The following QTGAL variants were observed in gnomAD, a reference collection of about 807,000 sequenced individuals.
QTGAL encodes the protein queuosine-tRNA galactosyltransferase, also known as BGnT-like protein 1.
the QTGAL span, among the ~76,000 whole-genome samples, chr17:82,997,461 T>C: frequency 1.3e-5 from 2 of 152,154 alleles, no homozygotes; most frequent in Admixed American, 1.3e-4. Context: ...ACAACCACTA[T>C]GGAGAACAGT....
At chr17:82,977,955 C>T in the QTGAL span, among the ~76,000 whole-genome samples, 1 of 152,152 alleles carries the variant, frequency 6.6e-6, no homozygotes, top group Admixed American at 6.5e-5. Context: ...TTTTCCGTTT[C>T]CCAAGCTCCT....
chr17:82,963,354 G>A, the QTGAL span, among the ~76,000 whole-genome samples: 1 of 152,208 alleles, frequency 6.6e-6, no homozygotes, highest in Non-Finnish European at 1.5e-5. Context: ...ACCTCCAGGA[G>A]GAAGCAGCAG....
At chr17:83,043,391 A>T in the QTGAL span, among the ~76,000 whole-genome samples, 11 of 152,238 alleles carry the variant, frequency 7.2e-5, no homozygotes, top group Admixed American at 7.2e-4. Context: ...TCATAAATAA[A>T]TGAAAGCTAA....
At chr17:83,015,644 C>T in the QTGAL span, among the ~76,000 whole-genome samples, 250 of 152,340 alleles carry the variant, frequency 1.6e-3, 3 homozygotes, top group East Asian at 0.016. The surrounding 1 kb of genome is among the most constrained non-coding windows in gnomAD (Gnocchi z 4.4). Flanking sequence ...GGGCTGGTGC[C>T]GCGCCATGGA....
At chr17:83,033,315 C>G in the QTGAL span, among the ~76,000 whole-genome samples, 1 of 152,094 alleles carries the variant, frequency 6.6e-6, no homozygotes, top group African/African-American at 2.4e-5. Flanking sequence ...TTTTCCATCA[C>G]AGTCAACAAC....
chr17:83,051,713 G>T, the QTGAL span: 1 of 1,476,172 alleles, frequency 6.8e-7, no homozygotes, highest in Non-Finnish European at 8.9e-7. Context: ...TGCACGGCGG[G>T]GCACCCTCCC....
At chr17:83,024,884 C>T in the QTGAL span, among the ~76,000 whole-genome samples, 3 of 152,238 alleles carry the variant, frequency 2.0e-5, no homozygotes, top group East Asian at 1.9e-4. Flanking sequence ...CCAGACACAT[C>T]GGCCGGCACA....
chr17:82,951,632 C>T, the QTGAL span, among the ~76,000 whole-genome samples: 6 of 152,194 alleles, frequency 3.9e-5, no homozygotes, highest in African/African-American at 7.2e-5. Flanking sequence ...TCCTGCCAGT[C>T]GTGGCTTTCG....
chr17:82,981,215 G>C, the QTGAL span: 2 of 152,214 alleles, frequency 1.3e-5, no homozygotes, highest in Non-Finnish European at 2.9e-5. Flanking sequence ...AGGCCCTTTA[G>C]CAATACAGGG....
chr17:83,031,430 C>T, the QTGAL span, among the ~76,000 whole-genome samples: 1 of 151,478 alleles, frequency 6.6e-6, no homozygotes, highest in East Asian at 2.0e-4. Context: ...CTCGCAGGAC[C>T]AGAGTCACGT....
chr17:83,034,037 T>G, the QTGAL span, among the ~76,000 whole-genome samples: 2 of 151,748 alleles, frequency 1.3e-5, no homozygotes, highest in African/African-American at 4.8e-5. Flanking sequence ...GCCTCCTGGG[T>G]TCAAGCGATT....
At chr17:82,947,142 A>T in the QTGAL span, 1 of 598,510 alleles carries the variant, frequency 1.7e-6, no homozygotes, top group Non-Finnish European at 2.9e-6. Context: ...GACAAAGGCC[A>T]GAGAGGGCAG....
the QTGAL span, chr17:82,978,554 G>GA: frequency 2.8e-4 from 42 of 152,224 alleles, no homozygotes; most frequent in African/African-American, 1.0e-3. The surrounding 1 kb of genome is among the most constrained non-coding windows in gnomAD (Gnocchi z 4.8). Context: ...GAAGCATCCC[G>GA]ACCGTGAACC....
At chr17:83,018,669 G>A in the QTGAL span, among the ~76,000 whole-genome samples, 1 of 152,204 alleles carries the variant, frequency 6.6e-6, no homozygotes, top group Admixed American at 6.5e-5. Context: ...TCTGACCAAG[G>A]AACTCACTTA....
At chr17:83,026,845 C>A in the QTGAL span, among the ~76,000 whole-genome samples, 2 of 135,978 alleles carry the variant, frequency 1.5e-5, no homozygotes, top group South Asian at 2.4e-4. Context: ...ACAAACCCAC[C>A]CTCGACAGAC....
the QTGAL span, chr17:82,957,165 A>G: frequency 6.2e-7 from 1 of 1,614,138 alleles, no homozygotes; most frequent in Non-Finnish European, 8.5e-7. Flanking sequence ...GGGTGACACC[A>G]TGCGGCCCTG....
chr17:82,957,373 C>T, the QTGAL span: 47 of 1,613,138 alleles, frequency 2.9e-5, no homozygotes, highest in East Asian at 3.8e-4. Context: ...CGCTGGCTGC[C>T]GGCAGTCAAG....
chr17:83,037,871 T>C, the QTGAL span, among the ~76,000 whole-genome samples: 1 of 152,202 alleles, frequency 6.6e-6, no homozygotes, highest in Non-Finnish European at 1.5e-5. This position sits in a 1 kb window ranked among gnomAD's most constrained non-coding sequence, Gnocchi z 5.2. Flanking sequence ...ATTATTGCCT[T>C]GAAGAAAGTC....
the QTGAL span, chr17:82,943,737 G>A: frequency 3.3e-5 from 5 of 152,356 alleles, no homozygotes; most frequent in African/African-American, 1.2e-4. Flanking sequence ...TACTGTTGTT[G>A]TGTTTGACCT....
Sources: gnomAD v4.1 joint callset for allele counts (sites outside exome capture counted in the v4.1 genomes callset) on GRCh38, gnomAD v4.1.1 for gene constraint, Gnocchi (gnomAD v3.1) non-coding constraint, MANE v1.5 for transcripts, NCBI Gene and HGNC (gene_info 2026-07-23, HGNC 2026-07-21) for gene names.